ANXA7: variants seen among roughly 807,000 people sequenced by gnomAD.
ANXA7 encodes the protein annexin A7.
Under a neutral mutation model 64.9 loss-of-function variants are expected in ANXA7, and 55 were observed. The observed-to-expected ratio is 0.85, with a 90% CI of 0.68 to 1.06. The LOEUF (loss-of-function observed/expected upper bound fraction) is 1.06. ANXA7 is among the 50% of genes least tolerant of loss of function. The pLI is 0.00. For synonymous variants in ANXA7, 200 were observed against 192.4 expected, an observed-to-expected ratio of 1.04 and a Z score of -0.33; for missense variants, 548 against 582.1, an observed-to-expected ratio of 0.94 and a Z score of 0.60.
At chr10:73,394,091 C>T (rs1257397272) in intron 5 of ANXA7, among the ~76,000 whole-genome samples, 1 of 152,160 alleles carries the variant, frequency 6.6e-6, no homozygotes, top group Non-Finnish European at 1.5e-5. Flanking sequence ...ATTTATGCAG[C>T]CAACAGACAC....
intron 1 of ANXA7, 81 bp from the exon 2 acceptor site, chr10:73,400,938 C>CAAAAA: frequency 5.6e-6 from 7 of 1,252,556 alleles, no homozygotes; most frequent in Non-Finnish European, 6.6e-6. Context: ...GACGGAGTCT[C>CAAAAA]ACTCTGTCAC....
chr10:73,390,733 T>TAC (rs1158231376), intron 5 of ANXA7, among the ~76,000 whole-genome samples: 35 of 144,464 alleles, frequency 2.4e-4, no homozygotes, highest in East Asian at 5.9e-4. Flanking sequence ...AATATATATA[T>TAC]ACACACACAC....
intron 12 of ANXA7, among the ~76,000 whole-genome samples, chr10:73,377,787 T>G (rs1416751548): frequency 6.0e-5 from 9 of 149,094 alleles, no homozygotes; most frequent in Admixed American, 4.0e-4. Context: ...TGTGTGTGTG[T>G]GTGTGTGTGT....
chr10:73,392,435 C>A (rs1217643881), intron 5 of ANXA7, among the ~76,000 whole-genome samples: 1 of 152,066 alleles, frequency 6.6e-6, no homozygotes, highest in African/African-American at 2.4e-5. Flanking sequence ...TGATGAACAT[C>A]GATGCAAAAA....
intron 5 of ANXA7, chr10:73,396,161 C>A: frequency 8.7e-7 from 1 of 1,147,092 alleles, no homozygotes; most frequent in Non-Finnish European, 1.3e-6. Flanking sequence ...CAAAACCACC[C>A]TACATAAATC....
Position 73,377,969 on chromosome 10 carries a change from T to C in ANXA7, c.1278+942A>G, listed in dbSNP as rs574948139. On this transcript the variant is annotated intron_variant, in intron 12 of 12. Transcript: ENST00000372921. ...TTTTTTGTAGAAATAGGTTTCACCA[T>C]GTTGCCCAGGCTGGTCTCAAACTCC... 1.7e-3 allele frequency among the ~76,000 whole-genome samples: 260 copies of C among 151,664 alleles called. 1 individual carries two copies. Among genetic ancestry groups the C allele is most frequent in the African/African-American group, 5.9e-3 (244 of 41,364 alleles).
At chr10:73,384,806 T>C (rs574882249) in intron 7 of ANXA7, among the ~76,000 whole-genome samples, 6 of 151,924 alleles carry the variant, frequency 3.9e-5, no homozygotes, top group Non-Finnish European at 8.8e-5. Flanking sequence ...ATAGAGAAAG[T>C]TGAAACAGAA....
chr10:73,408,793 T>C (rs374182223), intron 1 of ANXA7, among the ~76,000 whole-genome samples: 1 of 152,138 alleles, frequency 6.6e-6, no homozygotes, highest in South Asian at 2.1e-4. Flanking sequence ...ATTTTTGTAA[T>C]AGGAAAAGGT....
intron 2 of ANXA7, among the ~76,000 whole-genome samples, chr10:73,400,483 A>G (rs2055643544): frequency 1.3e-5 from 2 of 152,098 alleles, no homozygotes; most frequent in African/African-American, 4.8e-5. Context: ...TTTAAAACTA[A>G]CTCCTAAATT....
intron 12 of ANXA7, among the ~76,000 whole-genome samples, chr10:73,378,562 C>G (rs2055224232): frequency 2.6e-5 from 4 of 151,480 alleles, no homozygotes; most frequent in Admixed American, 2.6e-4. Flanking sequence ...TGTTGATATC[C>G]ACTAGGATTA....
chr10:73,376,762 G>A (rs1328836592), intron 12 of ANXA7, among the ~76,000 whole-genome samples: 1 of 151,968 alleles, frequency 6.6e-6, no homozygotes, highest in African/African-American at 2.4e-5. Context: ...CAAACCAAGT[G>A]TCACAGATGA....
intron 7 of ANXA7, among the ~76,000 whole-genome samples, chr10:73,385,933 G>T (rs2055362430): frequency 6.6e-6 from 1 of 152,124 alleles, no homozygotes; most frequent in Non-Finnish European, 1.5e-5. Flanking sequence ...GGCAAAGCAG[G>T]TCAGGCGTGG....
intron 5 of ANXA7, among the ~76,000 whole-genome samples, chr10:73,394,098 A>G (rs919800992): frequency 1.2e-4 from 19 of 152,370 alleles, no homozygotes; most frequent in African/African-American, 4.6e-4. Context: ...CAGCCAACAG[A>G]CACATGAAAA....
rs550775688 is a variant in ANXA7, at chr10:73,402,513, T to C, written c.-1-1656A>G. On this transcript the variant is annotated intron_variant, in intron 1 of 12. Coordinates refer to ENST00000372921, the MANE Select transcript of ANXA7 (RefSeq NM_001156.5). ...TCAAATTACTGTTTTAACGACATTT[T>C]GAAAATAATTCCTGTGTAGTTATGC... 8.4e-4 allele frequency among the ~76,000 whole-genome samples: 128 copies of C among 152,352 alleles called. 3 individuals are homozygous for C. The highest frequency in any genetic ancestry group is 1.5e-3 in the South Asian group (7 of 4,826).
chr10:73,402,723 T>C (rs936983350), intron 1 of ANXA7, among the ~76,000 whole-genome samples: 12 of 152,208 alleles, frequency 7.9e-5, no homozygotes, highest in Non-Finnish European at 1.8e-4. Context: ...ATCTCCTACA[T>C]ATGATTACTT....
At chr10:73,386,486 A>G (rs1360841644) in intron 7 of ANXA7, among the ~76,000 whole-genome samples, 1 of 152,168 alleles carries the variant, frequency 6.6e-6, no homozygotes, top group African/African-American at 2.4e-5. Flanking sequence ...GGACTACAGT[A>G]TTAAGAAGCA....
chr10:73,391,474 T>C (rs752841098), intron 5 of ANXA7, among the ~76,000 whole-genome samples: 4 of 151,746 alleles, frequency 2.6e-5, no homozygotes, highest in Non-Finnish European at 4.4e-5. Context: ...TAGGTGGGCA[T>C]GCTGGTGCAC....
chr10:73,377,931 G>GTGTGCA, intron 12 of ANXA7, among the ~76,000 whole-genome samples: 1 of 123,156 alleles, frequency 8.1e-6, no homozygotes, highest in East Asian at 3.9e-4. Context: ...GTGTGTGTGT[G>GTGTGCA]CGCGCGCGTG....
intron 6 of ANXA7, 61 bp from the exon 7 acceptor site, chr10:73,387,844 ATCTTTTT>A (rs2132665026): frequency 1.0e-6 from 1 of 957,412 alleles, no homozygotes; most frequent in Non-Finnish European, 1.5e-6. Flanking sequence ...GCTTGAGGTC[ATCTTTTT>A]TTTTTTTTTT....
Sources: gnomAD v4.1 joint callset for allele counts (sites outside exome capture counted in the v4.1 genomes callset) on GRCh38, gnomAD v4.1.1 for gene constraint, MANE v1.5 for transcripts, NCBI Gene and HGNC (gene_info 2026-07-23, HGNC 2026-07-21) for gene names.